CEP170: variants seen among roughly 807,000 people sequenced by gnomAD.
CEP170 encodes centrosomal protein 170.
A neutral mutation model predicts 151.9 loss-of-function variants in CEP170; 21 were observed. That is an observed-to-expected ratio of 0.14 (90% CI 0.10 to 0.20). The LOEUF (loss-of-function observed/expected upper bound fraction) is 0.20, where lower values mean the gene tolerates loss of function less well. Ranked by LOEUF, CEP170 falls within the 10% of genes least tolerant of loss-of-function variation. The probability of loss-of-function intolerance (pLI) is 1.00; values close to 1 mark genes in which losing one functional copy is unlikely to be tolerated. For synonymous variants in CEP170, 356 were observed against 648.8 expected, an observed-to-expected ratio of 0.55 and a Z score of 6.86; for missense variants, 964 against 1,892.9, an observed-to-expected ratio of 0.51 and a Z score of 9.11.
intron 4 of CEP170, chr1:243,211,618 A>G: frequency 2.9e-6 from 1 of 346,178 alleles, no homozygotes; most frequent in Non-Finnish European, 5.4e-6. Context: ...TTATATATGC[A>G]ATAGCACTTC....
intron 12 of CEP170, 76 bp from the exon 13 acceptor site, chr1:243,166,192 T>C (rs2058428405): frequency 1.3e-6 from 2 of 1,523,444 alleles, no homozygotes; most frequent in Admixed American, 2.1e-5. Context: ...CATACAGTTG[T>C]CTGTCAGTAT....
At position 243,241,918 on chromosome 1, in the gene CEP170, G is replaced by A. The variant is rs532340233; in HGVS notation, c.-42+13122C>T. On this transcript the variant is annotated intron_variant, in intron 1 of 19. Transcript: ENST00000366542. ...TGAAGTTGACTAGGAAGATCAAAAA[G>A]AAAGAAATAGAAAACATATTAGAGC... 5.3e-5 allele frequency among the ~76,000 whole-genome samples: 8 copies of A among 152,022 alleles called. No individual in the cohort carries two copies. The South Asian group carries it at 1.2e-3, about 24-fold the overall frequency.
At chr1:243,243,541 G>C (rs1483544687) in intron 1 of CEP170, among the ~76,000 whole-genome samples, 14 of 136,584 alleles carry the variant, frequency 1.0e-4, no homozygotes. Context: ...TTTATTTTTT[G>C]GAGACAGAGT....
chr1:243,253,165 CAT>C (rs1338840586), intron 1 of CEP170: 3 of 152,164 alleles, frequency 2.0e-5, no homozygotes, highest in East Asian at 1.9e-4. Flanking sequence ...ATGAAAAGCA[CAT>C]GTTAGGACAT....
At chr1:243,149,397 G>C (rs1241982762) in intron 14 of CEP170, among the ~76,000 whole-genome samples, 1 of 152,108 alleles carries the variant, frequency 6.6e-6, no homozygotes, top group Non-Finnish European at 1.5e-5. Flanking sequence ...CTTAGGTACA[G>C]ACTATGAGGA....
chr1:243,176,907 G>A (rs2059291392), intron 10 of CEP170: 1 of 374,952 alleles, frequency 2.7e-6, no homozygotes, highest in East Asian at 7.2e-5. Flanking sequence ...TAAGTTTAAA[G>A]AGACTAAACA....
intron 7 of CEP170, among the ~76,000 whole-genome samples, chr1:243,193,766 C>G (rs1318474730): frequency 6.6e-6 from 1 of 151,614 alleles, no homozygotes; most frequent in Admixed American, 6.6e-5. Context: ...CATGCAAAGC[C>G]CAGACAAGAT....
At chr1:243,159,763 T>TTGTGTGTGTG (rs565534328) in intron 13 of CEP170, among the ~76,000 whole-genome samples, 2,629 of 127,106 alleles carry the variant, frequency 0.021, 98 homozygotes, top group African/African-American at 0.066. Context: ...GTTTCCGGTT[T>TTGTGTGTGTG]TGTGTGTGTG....
chr1:243,134,476 C>T (rs1239102040), intron 17 of CEP170, among the ~76,000 whole-genome samples: 2 of 152,018 alleles, frequency 1.3e-5, no homozygotes, highest in Admixed American at 6.5e-5. Context: ...GTACTCTTTA[C>T]GAAAAGCCAA....
At chr1:243,208,064 T>G (rs2148885456) in intron 4 of CEP170, among the ~76,000 whole-genome samples, 1 of 152,224 alleles carries the variant, frequency 6.6e-6, no homozygotes, top group Non-Finnish European at 1.5e-5. Flanking sequence ...AAAGGATGCC[T>G]TCCTTTTTCA....
intron 10 of CEP170, among the ~76,000 whole-genome samples, chr1:243,179,562 T>C (rs1371856704): frequency 1.3e-5 from 2 of 152,210 alleles, no homozygotes; most frequent in Non-Finnish European, 2.9e-5. Context: ...GGAATCAAGA[T>C]ATAAACTAGT....
intron 8 of CEP170, among the ~76,000 whole-genome samples, chr1:243,189,757 T>G (rs1275941826): frequency 6.6e-6 from 1 of 151,966 alleles, no homozygotes; most frequent in African/African-American, 2.4e-5. Flanking sequence ...AGCTACCTCT[T>G]ATACTGTACT....
chr1:243,204,482 G>A (rs995829290), intron 4 of CEP170, among the ~76,000 whole-genome samples: 2 of 152,126 alleles, frequency 1.3e-5, no homozygotes, highest in South Asian at 2.1e-4. Flanking sequence ...AGAAGGTACT[G>A]GGTTCTTACT....
intron 1 of CEP170, among the ~76,000 whole-genome samples, chr1:243,226,977 G>A (rs1173428163): frequency 6.6e-6 from 1 of 152,098 alleles, no homozygotes; most frequent in Non-Finnish European, 1.5e-5. Flanking sequence ...CAACAGGAGT[G>A]AAACTCCGTC....
Position 243,165,710 on chromosome 1 carries a change from T to C in CEP170, c.2250A>G (p.Gln750=), listed in dbSNP as rs769086601. The C allele has an allele frequency of 1.1e-5, 18 of 1,613,956 alleles. No homozygotes were observed. The African/African-American group carries it at 2.0e-4, about 18-fold the overall frequency. ...LVKQTLAKLQ[Q]QEQREEAQWT... ...ACTGAGCCTCCTCCCTTTGTTCTTG[T>C]TGTTGAAGTTTTGCTAATGTTTGCT... Residue 750 remains glutamine, a synonymous_variant, in exon 13 of 20, where the codon CAA becomes CAG. Transcript: ENST00000366542.
At chr1:243,167,617 A>G (rs2058532462) in intron 12 of CEP170, among the ~76,000 whole-genome samples, 1 of 151,848 alleles carries the variant, frequency 6.6e-6, no homozygotes, top group South Asian at 2.1e-4. Context: ...TAAATGGAGA[A>G]AAGATACTAG....
At position 243,186,278 on chromosome 1, in the gene CEP170, T is replaced by C. The variant is rs762461380; in HGVS notation, c.1253A>G (p.Lys418Arg). The stretch of plus-strand genomic sequence containing the variant: ...ACTTACAACAGCTTGGTCTTGATGC[T>C]TTTCAGTAGCCTGGACCTTCTGTAG... ...KKLQKVQATE[K>R]HQDQAVTSSA... Residue 418 changes from lysine to arginine, a missense_variant, in exon 9 of 20, where the codon AAG becomes AGG. Lys to Arg is a conservative substitution (Grantham distance 26). Transcript: ENST00000366542. 5.6e-6 allele frequency: 9 copies of C among 1,613,786 alleles called. No homozygotes were observed. The South Asian group carries it at 8.8e-5, about 16-fold the overall frequency.
At chr1:243,242,215 A>G (rs1161978055) in intron 1 of CEP170, among the ~76,000 whole-genome samples, 1 of 151,988 alleles carries the variant, frequency 6.6e-6, no homozygotes, top group Non-Finnish European at 1.5e-5. Context: ...TCTAGTGATG[A>G]GTTATGTTCT....
rs375523187 is a variant in CEP170 at position 243,139,982 on chromosome 1, G to A, written c.4185C>T (p.Pro1395=). The A allele has an allele frequency of 3.8e-5, 62 of 1,613,404 alleles. No individual in the cohort carries two copies. Among genetic ancestry groups the A allele is most frequent in the Non-Finnish European group, 4.3e-5 (51 of 1,179,530 alleles). Residue 1395 remains proline (P), a synonymous_variant, in exon 16 of 20, where the codon CCC becomes CCT. Coordinates refer to ENST00000366542, the MANE Select transcript of CEP170 (RefSeq NM_014812.3). ...TCCGCCTTGTAATTGTTAAGTGATC[G>A]GGAGGCTCTGCTGCTTGAGGTCTTG... is the stretch of plus-strand genomic sequence containing the variant. The part of the protein sequence containing the change: ...GDPRPQAAEP[P]DHLTITRRRT...
Sources: gnomAD v4.1 joint callset for allele counts (sites outside exome capture counted in the v4.1 genomes callset) on GRCh38, gnomAD v4.1.1 for gene constraint, MANE v1.5 for transcripts, NCBI Gene and HGNC (gene_info 2026-07-23, HGNC 2026-07-21) for gene names.